Variants in DCSTAMP observed in about 807,000 individuals in gnomAD.
DCSTAMP encodes dendritic cell-specific transmembrane protein.
Under a neutral mutation model 33.8 loss-of-function variants are expected in DCSTAMP, and 25 were observed. That is an observed-to-expected ratio of 0.74 (90% CI 0.54 to 1.03). The LOEUF is 1.03. DCSTAMP is among the 50% of genes least tolerant of loss of function. The probability of loss-of-function intolerance (pLI) is 0.00; values close to 1 mark genes in which losing one functional copy is unlikely to be tolerated. For missense variants in DCSTAMP, 531 were observed against 556.8 expected (o/e 0.95, Z 0.47); for synonymous variants, 245 against 216.7 (o/e 1.13, Z -1.15).
intron 1 of DCSTAMP, among the ~76,000 whole-genome samples, chr8:104,342,762 G>A (rs970821077): frequency 9.9e-5 from 15 of 152,238 alleles, no homozygotes; most frequent in African/African-American, 3.6e-4. Flanking sequence ...CCATCCCTGG[G>A]AGAGATGGCT....
At chr8:104,350,707 G>T (rs1367807712) in intron 2 of DCSTAMP, among the ~76,000 whole-genome samples, 1 of 152,180 alleles carries the variant, frequency 6.6e-6, no homozygotes, top group Non-Finnish European at 1.5e-5. Flanking sequence ...TGATTTCAAG[G>T]TAGGTGGTTC....
At chr8:104,343,666 C>A (rs1356568113) in intron 1 of DCSTAMP, among the ~76,000 whole-genome samples, 1 of 152,216 alleles carries the variant, frequency 6.6e-6, no homozygotes, top group Non-Finnish European at 1.5e-5. Flanking sequence ...AGACAAGAGA[C>A]TGGCAGCCAA....
At chr8:104,343,822 C>T (rs1208775596) in intron 1 of DCSTAMP, among the ~76,000 whole-genome samples, 1 of 152,240 alleles carries the variant, frequency 6.6e-6, no homozygotes, top group East Asian at 1.9e-4. Flanking sequence ...AGGCAGTTGT[C>T]TGCAAGCCGG....
rs772058496 is a variant in DCSTAMP, at chr8:104,355,092, G to A, written c.1245G>A (p.Lys415=). 8 of 1,614,086 alleles carry A rather than the reference G, an allele frequency of 5.0e-6. No homozygotes were observed. The South Asian group carries it at 8.8e-5, about 18-fold the overall frequency. Reference sequence around the variant, plus strand: ...CTTTCTACCCCAGCGTGGAGAGGAAGCGCATCCAATATCTGCATGCAAAGC... The same window carrying A: ...CTTTCTACCCCAGCGTGGAGAGGAAACGCATCCAATATCTGCATGCAAAGC... ...SASFYPSVER[K]RIQYLHAKLL... is the part of the protein sequence containing the mutation. Residue 415 remains lysine, a synonymous_variant, in exon 3 of 4, where the codon AAG becomes AAA. Coordinates refer to ENST00000297581, the MANE Select transcript of DCSTAMP (RefSeq NM_030788.4).
intron 2 of DCSTAMP, among the ~76,000 whole-genome samples, chr8:104,351,780 A>G (rs1442454905): frequency 6.6e-6 from 1 of 152,088 alleles, no homozygotes; most frequent in Non-Finnish European, 1.5e-5. Flanking sequence ...CAGTGAGGAC[A>G]ACTCGAGGTT....
chr8:104,347,014 G>T (rs968214410), intron 1 of DCSTAMP, among the ~76,000 whole-genome samples: 1 of 152,126 alleles, frequency 6.6e-6, no homozygotes, highest in African/African-American at 2.4e-5. Context: ...ATCAATGTCC[G>T]CATTAAAATC....
intron 1 of DCSTAMP, among the ~76,000 whole-genome samples, chr8:104,340,965 T>C (rs1459740621): frequency 6.6e-6 from 1 of 152,232 alleles, no homozygotes; most frequent in East Asian, 1.9e-4. Flanking sequence ...TTGTTGAGCA[T>C]AAGCCATTGG....
intron 3 of DCSTAMP, among the ~76,000 whole-genome samples, chr8:104,355,679 C>A (rs1265825231): frequency 6.6e-6 from 1 of 151,918 alleles, no homozygotes; most frequent in Non-Finnish European, 1.5e-5. Flanking sequence ...ATAAAATGGA[C>A]ATATATCAAA....
intron 2 of DCSTAMP, among the ~76,000 whole-genome samples, chr8:104,350,600 G>C (rs774391925): frequency 4.6e-5 from 7 of 152,186 alleles, no homozygotes; most frequent in Non-Finnish European, 1.0e-4. Context: ...AATTTTAAAT[G>C]TGTGTTAAGA....
At position 104,348,809 on chromosome 8, in the gene DCSTAMP, TTCTC is replaced by T. The variant is rs754161900; in HGVS notation, c.261_264del (p.Ser88ValfsTer10). 6.2e-7 allele frequency: 1 copy of T among 1,614,216 alleles called. No individual in the cohort carries two copies. Among genetic ancestry groups the T allele is most frequent in the South Asian group, 1.1e-5 (1 of 91,088 alleles). ...GCACGATGTTTTATTCTTCTTGTCT[TTCTC>T]TCTTGTGGCCTGCGTGAAGGCAGGA... On this transcript the variant is annotated frameshift_variant, in exon 2 of 4. Coordinates refer to ENST00000297581, the MANE Select transcript of DCSTAMP (RefSeq NM_030788.4). LOFTEE classifies it high-confidence loss of function.
chr8:104,354,293 G>A (rs1274415505), intron 2 of DCSTAMP, among the ~76,000 whole-genome samples: 2 of 152,110 alleles, frequency 1.3e-5, no homozygotes, highest in East Asian at 3.9e-4. Flanking sequence ...GCTCCAGAAG[G>A]TAGATGTAGA....
chr8:104,355,936 A>AT (rs1367698874), intron 3 of DCSTAMP, among the ~76,000 whole-genome samples, 188 bp from the exon 4 acceptor site: 1 of 152,262 alleles, frequency 6.6e-6, no homozygotes, highest in African/African-American at 2.4e-5. Context: ...GCCATCTGCA[A>AT]CTTACAGAAT....
intron 1 of DCSTAMP, among the ~76,000 whole-genome samples, chr8:104,344,458 C>T (rs1810236281): frequency 6.6e-6 from 1 of 152,182 alleles, no homozygotes; most frequent in Admixed American, 6.5e-5. Context: ...TGCATATATA[C>T]AGCACGCCCA....
intron 2 of DCSTAMP, among the ~76,000 whole-genome samples, chr8:104,351,685 G>T (rs1810468192): frequency 6.6e-6 from 1 of 151,222 alleles, no homozygotes; most frequent in Non-Finnish European, 1.5e-5. Flanking sequence ...CAACTTCTGG[G>T]TTATTGCCAT....
Position 104,354,862 on chromosome 8 carries a change from A to T in DCSTAMP, c.1030-15A>T, listed in dbSNP as rs1810571802. ...AAATGGCATGCATCATGATTATTTT[A>T]TTCTTTCATTTTAGAAACAAGGAAC... On this transcript the variant is annotated splice_polypyrimidine_tract_variant and intron_variant, in intron 2 of 3. Transcript: ENST00000297581. 3 of 1,527,390 alleles carry T rather than the reference A, an allele frequency of 2.0e-6. No individual in the cohort carries two copies. Among genetic ancestry groups the T allele is most frequent in the Non-Finnish European group, 2.7e-6 (3 of 1,113,310 alleles). The allele number at this position is 1,527,390 out of a possible 1,614,324, so 94.6% of individuals were successfully genotyped here.
chr8:104,340,048 C>T (rs1387108623), intron 1 of DCSTAMP, among the ~76,000 whole-genome samples, 186 bp downstream of exon 1: 1 of 152,116 alleles, frequency 6.6e-6, no homozygotes, highest in Non-Finnish European at 1.5e-5. Context: ...TCAGGGAAAA[C>T]TGCAGCATGA....
Position 104,354,920 on chromosome 8 carries a change from T to C in DCSTAMP, c.1073T>C (p.Ile358Thr). The part of the protein sequence containing the change: ...QDIIHDSSFN[I>T]SVFEPNCIPK... ...ATTATCCATGATTCTTCCTTTAATA[T>C]ATCTGTGTTTGAACCCAACTGTATC... Residue 358 changes from isoleucine to threonine, a missense_variant, in exon 3 of 4, where the codon ATA becomes ACA. Coordinates refer to ENST00000297581, the MANE Select transcript of DCSTAMP (RefSeq NM_030788.4). 1 of 1,609,064 alleles carries C rather than the reference T, an allele frequency of 6.2e-7. No individual in the cohort carries two copies.
chr8:104,342,997 G>A (rs769196444), intron 1 of DCSTAMP, among the ~76,000 whole-genome samples: 2 of 152,232 alleles, frequency 1.3e-5, no homozygotes, highest in Non-Finnish European at 2.9e-5. Context: ...TGCTGGCAGA[G>A]GAGGGGAGGA....
chr8:104,349,056 C>A lies in DCSTAMP; in HGVS notation c.504C>A (p.Asn168Lys), dbSNP rs1049372311. The A allele has an allele frequency of 3.7e-6, 6 of 1,614,172 alleles. No individual in the cohort carries two copies. Among genetic ancestry groups the A allele is most frequent in the Non-Finnish European group, 5.1e-6 (6 of 1,180,040 alleles). Residue 168 changes from asparagine to lysine, a missense_variant, in exon 2 of 4, where the codon AAC becomes AAA. Coordinates refer to ENST00000297581, the MANE Select transcript of DCSTAMP (RefSeq NM_030788.4). ...TATTTGATGACCTTGTTTCTTGGAACCAGACCCTGGCAGTCTCTCTTTTCA... is the reference window on the plus strand; with the variant it reads ...TATTTGATGACCTTGTTTCTTGGAAACAGACCCTGGCAGTCTCTCTTTTCA... ...LSVFDDLVSW[N>K]QTLAVSLFSP...
Sources: allele counts gnomAD v4.1 joint callset (sites outside exome capture counted in the v4.1 genomes callset), GRCh38; gene constraint gnomAD v4.1.1; transcripts MANE v1.5; gene names NCBI Gene and HGNC (gene_info 2026-07-23, HGNC 2026-07-21).